The following PRUNE2 variants were observed in gnomAD, a reference collection of about 807,000 sequenced individuals.
The protein encoded by PRUNE2 is protein prune homolog 2.
In PRUNE2, 164 loss-of-function variants were observed where a neutral mutation model predicts 252.0. That is an observed-to-expected ratio of 0.65 (90% CI 0.57 to 0.74). The LOEUF (loss-of-function observed/expected upper bound fraction) is 0.74. Ranked by LOEUF, PRUNE2 falls within the 30% of genes least tolerant of loss-of-function variation. PRUNE2 has a pLI of 0.00. For missense variants in PRUNE2, 3,495 were observed against 3,711.0 expected, an observed-to-expected ratio of 0.94 and a Z score of 1.51; for synonymous variants, 1,292 against 1,350.2, an observed-to-expected ratio of 0.96 and a Z score of 0.94.
chr9:76,640,953 C>A (rs954560816), intron 12 of PRUNE2, among the ~76,000 whole-genome samples: 1 of 152,134 alleles, frequency 6.6e-6, no homozygotes, highest in African/African-American at 2.4e-5. Flanking sequence ...ACTTTGATTT[C>A]TTTCTTTATT....
At chr9:76,810,071 A>C (rs1165594540) in intron 6 of PRUNE2, among the ~76,000 whole-genome samples, 1 of 152,202 alleles carries the variant, frequency 6.6e-6, no homozygotes, top group African/African-American at 2.4e-5. Flanking sequence ...AAGTGCCAGA[A>C]CAATGGAGCA....
chr9:76,721,540 GA>G (rs2047647172), intron 6 of PRUNE2, among the ~76,000 whole-genome samples: 1 of 152,092 alleles, frequency 6.6e-6, no homozygotes, highest in African/African-American at 2.4e-5. Context: ...GTTTTTGCAG[GA>G]AATGGAAAAA....
intron 9 of PRUNE2, among the ~76,000 whole-genome samples, chr9:76,665,559 C>CCA (rs2039983022): frequency 6.6e-6 from 1 of 152,174 alleles, no homozygotes; most frequent in African/African-American, 2.4e-5. Context: ...GCCACCCTCT[C>CCA]CACACACACA....
In PRUNE2 at chr9:76,710,527, T is replaced by C. The variant is rs1179163545; in HGVS notation, c.1747A>G (p.Arg583Gly). 1.2e-6 allele frequency: 2 copies of C among 1,613,898 alleles called. No homozygotes were observed. The highest frequency in any genetic ancestry group is 1.3e-5 in the African/African-American group (1 of 74,930). The change falls in exon 8 of 19, where the codon AGA becomes GGA. Residue 583 changes from arginine to glycine, a missense_variant. Transcript: ENST00000376718. ...RQDSPRDNSE[R>G]NLSLTDFVGD... ...ACAAAATCTGTCAGGCTCAAATTTC[T>C]TTCAGAGTTATCTCTGGGACTGTCT...
intron 6 of PRUNE2, among the ~76,000 whole-genome samples, chr9:76,754,274 T>C (rs1457587678): frequency 6.6e-6 from 1 of 151,616 alleles, no homozygotes; most frequent in Non-Finnish European, 1.5e-5. Context: ...GGAGTGGGGG[T>C]GGGGTGGGGA....
At chr9:76,716,950 G>A (rs1226707915) in intron 6 of PRUNE2, among the ~76,000 whole-genome samples, 1 of 152,054 alleles carries the variant, frequency 6.6e-6, no homozygotes, top group East Asian at 1.9e-4. Context: ...TGAGGATGGT[G>A]GCTTCCAGCT....
At chr9:76,648,713 A>G (rs1845962303) in intron 11 of PRUNE2, among the ~76,000 whole-genome samples, 1 of 152,196 alleles carries the variant, frequency 6.6e-6, no homozygotes, top group Non-Finnish European at 1.5e-5. Flanking sequence ...ATTCTGTATG[A>G]TACTACAATG....
chr9:76,846,616 G>T lies in PRUNE2; in HGVS notation c.407C>A (p.Ala136Asp). The T allele has an allele frequency of 1.9e-6, 3 of 1,613,962 alleles. No homozygotes were observed. Among genetic ancestry groups the T allele is most frequent in the Non-Finnish European group, 2.5e-6 (3 of 1,179,842 alleles). Reference sequence around the variant, plus strand: ...GGAAGACTCTCGGAACTCAACGTTGGCATCGCTCTGCTCAACCGGATTAAT... The same window carrying T: ...GGAAGACTCTCGGAACTCAACGTTGTCATCGCTCTGCTCAACCGGATTAAT... ...KVINPVEQSD[A>D]NVEFRESSSS... Residue 136 changes from alanine (A) to aspartate (D), a missense_variant, in exon 4 of 19, where the codon GCC becomes GAC. Coordinates refer to ENST00000376718, the MANE Select transcript of PRUNE2 (RefSeq NM_015225.3).
intron 6 of PRUNE2, among the ~76,000 whole-genome samples, chr9:76,813,678 C>T (rs2057504771): frequency 6.6e-6 from 1 of 152,152 alleles, no homozygotes; most frequent in Non-Finnish European, 1.5e-5. Context: ...TACACTCATT[C>T]ATCGATTGCA....
intron 6 of PRUNE2, among the ~76,000 whole-genome samples, chr9:76,792,786 T>C (rs2055681707): frequency 6.6e-6 from 1 of 152,248 alleles, no homozygotes; most frequent in African/African-American, 2.4e-5. Flanking sequence ...TATTTGCCAA[T>C]AATAGCAAAT....
At chr9:76,769,312 C>G (rs2052814145) in intron 6 of PRUNE2, among the ~76,000 whole-genome samples, 1 of 152,206 alleles carries the variant, frequency 6.6e-6, no homozygotes, top group South Asian at 2.1e-4. Context: ...TCAATACATA[C>G]AGAATAACTG....
At chr9:76,702,025 C>T (rs7033978) in intron 9 of PRUNE2, among the ~76,000 whole-genome samples, 120,020 of 151,644 alleles carry the variant, frequency 0.79, 47,699 homozygotes, top group East Asian at 0.94. Flanking sequence ...TAGTCCTTTA[C>T]ACTCCCAAGC....
rs114392874 is a variant in PRUNE2, at chr9:76,857,856, C to T, written c.37-3648G>A. Among the ~76,000 whole-genome samples the T allele has an allele frequency of 9.2e-3, 1,396 of 152,150 alleles. 23 individuals carry two copies. Among genetic ancestry groups the T allele is most frequent in the African/African-American group, 0.032 (1,338 of 41,510 alleles). ...GAGGTCCCCACGGTTCTGGTGCACC[C>T]TGAGGGAATGGGCCCATCTATAGGG... On this transcript the variant is annotated intron_variant, in intron 1 of 18. Coordinates refer to ENST00000376718, the MANE Select transcript of PRUNE2 (RefSeq NM_015225.3).
Position 76,893,206 on chromosome 9 carries a change from C to T in PRUNE2, c.36+12722G>A, listed in dbSNP as rs1463159266. On this transcript the variant is annotated intron_variant, in intron 1 of 18. Transcript: ENST00000376718. ...GGTTCAGTGAGCCATGATCTTGCCA[C>T]TGCACTCCAGCCTGCGTAACAGAAG... is the stretch of plus-strand genomic sequence containing the variant. Among the ~76,000 whole-genome samples, 6 of 152,192 alleles carry T rather than the reference C, an allele frequency of 3.9e-5. No homozygotes were observed. The South Asian group carries it at 1.2e-3, about 32-fold the overall frequency.
intron 1 of PRUNE2, among the ~76,000 whole-genome samples, chr9:76,897,244 T>G (rs1263210507): frequency 6.6e-6 from 1 of 152,134 alleles, no homozygotes; most frequent in Non-Finnish European, 1.5e-5. Flanking sequence ...TGTTCACTTT[T>G]AATTTAACAA....
rs2046197259 is a variant in PRUNE2, at chr9:76,704,852, G to C, written c.7422C>G (p.Gly2474=). ...PESVYLPVGA[G]SNILSPSNVD... ...CGTTTGATGGAGACAAAATGTTGGA[G>C]CCTGCTCCTACCGGCAAATAAACGG... is the stretch of plus-strand genomic sequence containing the variant. Residue 2474 remains glycine (G), a synonymous_variant, in exon 8 of 19, where the codon GGC becomes GGG. Coordinates refer to ENST00000376718, the MANE Select transcript of PRUNE2 (RefSeq NM_015225.3). The C allele has an allele frequency of 1.3e-6, 2 of 1,599,668 alleles. No individual in the cohort carries two copies.
intron 6 of PRUNE2, among the ~76,000 whole-genome samples, chr9:76,740,708 T>A (rs1480935976): frequency 6.6e-6 from 1 of 152,182 alleles, no homozygotes; most frequent in Non-Finnish European, 1.5e-5. Flanking sequence ...AACATTTTTA[T>A]AATTAAAACA....
rs1194942821 is a variant in PRUNE2, at chr9:76,708,160, C to T, written c.4114G>A (p.Glu1372Lys). 2 of 1,613,956 alleles carry T rather than the reference C, an allele frequency of 1.2e-6. No individual in the cohort carries two copies. The highest frequency in any genetic ancestry group is 2.2e-5 in the East Asian group (1 of 44,870). ...GATTTAATGCAGATTTCCTGATGTT[C>T]AGATGCAACCAGAGAAGACAGTTCC... ...DQELSSLVAS[E>K]HQEICIKSGK... Residue 1372 changes from glutamate (E) to lysine (K), a missense_variant, in exon 8 of 19, where the codon GAA becomes AAA. By Grantham distance (56) the Glu-to-Lys change is moderately conservative (BLOSUM62 1). Transcript: ENST00000376718.
chr9:76,801,034 A>G (rs1589295402), intron 6 of PRUNE2, among the ~76,000 whole-genome samples: 1 of 152,212 alleles, frequency 6.6e-6, no homozygotes, highest in East Asian at 1.9e-4. Flanking sequence ...TCAAACGCAA[A>G]GGTTACACAC....
Sources: gnomAD v4.1 joint callset for allele counts (sites outside exome capture counted in the v4.1 genomes callset) on GRCh38, gnomAD v4.1.1 for gene constraint, MANE v1.5 for transcripts, NCBI Gene and HGNC (gene_info 2026-07-23, HGNC 2026-07-21) for gene names.